The following PAMR1 variants were observed in gnomAD, a reference collection of about 807,000 sequenced individuals.
The protein encoded by PAMR1 is peptidase domain containing associated with muscle regeneration 1, also known as inactive serine protease PAMR1.
Under a neutral mutation model 81.8 loss-of-function variants are expected in PAMR1, and 88 were observed. That is an observed-to-expected ratio of 1.08 (90% CI 0.91 to 1.28). The LOEUF is 1.28. Ranked by LOEUF, PAMR1 falls within the 50% of genes most tolerant of loss-of-function variation. The probability of loss-of-function intolerance (pLI) is 0.00; values close to 1 mark genes in which losing one functional copy is unlikely to be tolerated. For synonymous variants in PAMR1, 336 were observed against 345.3 expected, an observed-to-expected ratio of 0.97 and a Z score of 0.30; for missense variants, 935 against 919.7, an observed-to-expected ratio of 1.02 and a Z score of -0.21.
chr11:35,488,508 A>G (rs1850554543), intron 3 of PAMR1, among the ~76,000 whole-genome samples: 1 of 151,732 alleles, frequency 6.6e-6, no homozygotes, highest in Admixed American at 6.6e-5. Context: ...GGTATGAGCC[A>G]CTGCACCCGG....
At chr11:35,449,900 T>G (rs996787964) in intron 6 of PAMR1, among the ~76,000 whole-genome samples, 7 of 152,088 alleles carry the variant, frequency 4.6e-5, no homozygotes, top group African/African-American at 1.4e-4. Context: ...TGCTTTTCCT[T>G]GCTTTCCATG....
At chr11:35,491,927 C>T in intron 3 of PAMR1, 118 bp downstream of exon 3, 2 of 845,682 alleles carry the variant, frequency 2.4e-6, no homozygotes, top group East Asian at 2.8e-5. Flanking sequence ...ACCTAGAAAG[C>T]CCTCTGGCTG....
intron 6 of PAMR1, among the ~76,000 whole-genome samples, chr11:35,445,216 C>T (rs1049017996): frequency 6.6e-6 from 1 of 152,296 alleles, no homozygotes; most frequent in South Asian, 2.1e-4. Context: ...GCTGAAGTTG[C>T]TTATCAGCTT....
At chr11:35,468,304 T>C (rs1362053228) in intron 5 of PAMR1, among the ~76,000 whole-genome samples, 196 bp from the exon 6 acceptor site, 1 of 152,210 alleles carries the variant, frequency 6.6e-6, no homozygotes, top group African/African-American at 2.4e-5. Flanking sequence ...GTTGGTGATA[T>C]TATTTGATGT....
At chr11:35,503,163 T>C (rs1412502614) in intron 1 of PAMR1, among the ~76,000 whole-genome samples, 2 of 152,206 alleles carry the variant, frequency 1.3e-5, no homozygotes, top group East Asian at 1.9e-4. Flanking sequence ...TGTGGGCTTG[T>C]ATCTGGGTTC....
intron 6 of PAMR1, among the ~76,000 whole-genome samples, chr11:35,458,391 AAG>A (rs1237663446): frequency 2.0e-5 from 3 of 152,134 alleles, no homozygotes; most frequent in African/African-American, 4.8e-5. Context: ...TGCTTTCAGA[AAG>A]AGTTTGCAGT....
intron 1 of PAMR1, among the ~76,000 whole-genome samples, chr11:35,499,081 G>C (rs1431517747): frequency 6.6e-6 from 1 of 152,186 alleles, no homozygotes; most frequent in African/African-American, 2.4e-5. Flanking sequence ...AATATCTGTT[G>C]AATGAATTCG....
chr11:35,529,844 G>A (rs2135434460), upstream of PAMR1: 1 of 152,252 alleles, frequency 6.6e-6, no homozygotes, highest in Admixed American at 6.5e-5. Context: ...TCAGCATCAG[G>A]AATAAAAAAT....
At chr11:35,522,222 C>A (rs981855769) in intron 1 of PAMR1, among the ~76,000 whole-genome samples, 1 of 152,176 alleles carries the variant, frequency 6.6e-6, no homozygotes, top group Non-Finnish European at 1.5e-5. Flanking sequence ...GCGCCTGCCT[C>A]AAATCGTTTT....
At chr11:35,462,510 A>G (rs912954754) in intron 6 of PAMR1, among the ~76,000 whole-genome samples, 11 of 152,204 alleles carry the variant, frequency 7.2e-5, no homozygotes, top group African/African-American at 2.4e-4. Context: ...GAGTTTTCTG[A>G]AATCCTAGGA....
At chr11:35,525,015 GGTAT>G (rs1437116689) in intron 1 of PAMR1, among the ~76,000 whole-genome samples, 3 of 152,064 alleles carry the variant, frequency 2.0e-5, no homozygotes, top group Non-Finnish European at 4.4e-5. Flanking sequence ...ACTCCGAAGG[GGTAT>G]GGCTGTAGGA....
upstream of PAMR1, among the ~76,000 whole-genome samples, chr11:35,529,265 G>A (rs1458180173): frequency 6.6e-6 from 1 of 152,164 alleles, no homozygotes; most frequent in East Asian, 1.9e-4. Flanking sequence ...GGGAGCCATA[G>A]CCTTCTCATT....
chr11:35,491,009 C>T (rs768416485), intron 3 of PAMR1, among the ~76,000 whole-genome samples: 2 of 152,196 alleles, frequency 1.3e-5, no homozygotes, highest in Non-Finnish European at 2.9e-5. Flanking sequence ...TTAAATCTTG[C>T]AGCTAACCTA....
At chr11:35,515,028 C>T (rs1851137267) in intron 1 of PAMR1, among the ~76,000 whole-genome samples, 1 of 152,110 alleles carries the variant, frequency 6.6e-6, no homozygotes, top group Non-Finnish European at 1.5e-5. Context: ...TAAAACTTGG[C>T]TATACAATTC....
In PAMR1 at chr11:35,524,616, G is replaced by T. The variant is rs139822211; in HGVS notation, c.73+897C>A. On this transcript the variant is annotated intron_variant, in intron 1 of 10. Transcript: ENST00000619888. ...ACCTGCCCCTATTCAGAGCTGCCCC[G>T]TTTGGTCATTTCTGTACATCTCGGC... Among the ~76,000 whole-genome samples, 383 of 152,256 alleles carry T rather than the reference G, an allele frequency of 2.5e-3. 1 individual carries two copies. The highest frequency in any genetic ancestry group is 8.8e-3 in the African/African-American group (364 of 41,548).
chr11:35,485,506 C>A (rs1372777472), intron 3 of PAMR1, among the ~76,000 whole-genome samples: 2 of 152,110 alleles, frequency 1.3e-5, no homozygotes, highest in African/African-American at 4.8e-5. Flanking sequence ...CTTTCCTGGG[C>A]AGAAAGATGT....
chr11:35,509,762 G>A (rs900311124), intron 1 of PAMR1, among the ~76,000 whole-genome samples: 2 of 152,044 alleles, frequency 1.3e-5, no homozygotes, highest in South Asian at 4.2e-4. Context: ...GGGGTTCACA[G>A]AATTCCAGGG....
chr11:35,526,626 C>T (rs562011213), upstream of PAMR1, among the ~76,000 whole-genome samples: 6 of 152,238 alleles, frequency 3.9e-5, no homozygotes, highest in Non-Finnish European at 8.8e-5. Flanking sequence ...TCATCCAAGG[C>T]CACACAGTTA....
chr11:35,500,420 T>C (rs1344611717), intron 1 of PAMR1, among the ~76,000 whole-genome samples: 2 of 152,076 alleles, frequency 1.3e-5, no homozygotes, highest in Admixed American at 1.3e-4. Context: ...GGCGCTGGAA[T>C]ACAATAGAAA....
Sources: gnomAD v4.1 joint callset for allele counts (sites outside exome capture counted in the v4.1 genomes callset) on GRCh38, gnomAD v4.1.1 for gene constraint, MANE v1.5 for transcripts, NCBI Gene and HGNC (gene_info 2026-07-23, HGNC 2026-07-21) for gene names.